LRRC7: variants seen among roughly 807,000 people sequenced by gnomAD.
The protein encoded by LRRC7 is leucine-rich repeat-containing protein 7.
In LRRC7, 23 loss-of-function variants were observed where a neutral mutation model predicts 175.7. The ratio of observed to expected loss-of-function variants is 0.13; its 90% confidence interval spans 0.09 to 0.19. The LOEUF is 0.19. Among genes scored for constraint, LRRC7 ranks in the 10% least tolerant of loss-of-function variants. LRRC7 has a pLI of 1.00. For missense variants in LRRC7, 1,354 were observed against 1,904.7 expected (o/e 0.71, Z 5.38); for synonymous variants, 685 against 680.9 (o/e 1.01, Z -0.09).
chr1:69,909,782 G>T (rs1407367186), intron 7 of LRRC7, among the ~76,000 whole-genome samples: 1 of 151,880 alleles, frequency 6.6e-6, no homozygotes, highest in African/African-American at 2.4e-5. Flanking sequence ...TATCTTTGTG[G>T]TGTTCTCTGT....
chr1:70,026,720 A>G (rs2101990544), intron 17 of LRRC7, among the ~76,000 whole-genome samples: 1 of 152,262 alleles, frequency 6.6e-6, no homozygotes, highest in Admixed American at 6.6e-5. Flanking sequence ...AACAGCACTT[A>G]CATTAACAAA....
At chr1:69,996,089 T>C (rs1486221202) in intron 11 of LRRC7, among the ~76,000 whole-genome samples, 4 of 151,242 alleles carry the variant, frequency 2.6e-5, no homozygotes, top group Non-Finnish European at 4.4e-5. Flanking sequence ...TTTGAATGAT[T>C]GCCATTCTAA....
intron 2 of LRRC7, among the ~76,000 whole-genome samples, chr1:69,749,482 C>T (rs1669596975): frequency 6.6e-6 from 1 of 152,072 alleles, no homozygotes; most frequent in Non-Finnish European, 1.5e-5. Flanking sequence ...TTTTGTTTAA[C>T]AATGCACACT....
At chr1:69,896,151 T>C (rs1451965420) in intron 7 of LRRC7, among the ~76,000 whole-genome samples, 2 of 152,114 alleles carry the variant, frequency 1.3e-5, no homozygotes, top group African/African-American at 4.8e-5. Flanking sequence ...TGCTTCTTTT[T>C]TTTAATTGTA....
intron 1 of LRRC7, among the ~76,000 whole-genome samples, chr1:69,646,843 A>G (rs1212382314): frequency 6.6e-6 from 1 of 152,136 alleles, no homozygotes; most frequent in Non-Finnish European, 1.5e-5. Flanking sequence ...TAAATCTGAA[A>G]TAGGGTTTAA....
rs1258493659 is a variant in LRRC7 at position 70,142,922 on chromosome 1, A to AATT, written c.*21039_*21041dup. 6.6e-6 allele frequency: 1 copy of AATT among 152,018 alleles called. No homozygotes were observed. Among genetic ancestry groups the AATT allele is most frequent in the Non-Finnish European group, 1.5e-5 (1 of 67,974 alleles). The allele number at this position is 152,018 out of a possible 1,614,324, so 9.4% of individuals were successfully genotyped here. A position where few individuals can be genotyped will look rare whatever the true frequency, so the allele number is the denominator to read the frequency against. ...TGGATGTTTTCTAAGTATCTATGAA[A>AATT]ATTATTTTTTCCTAAACGATTTCAT... On this transcript the variant is annotated 3_prime_UTR_variant, in exon 27 of 27. Coordinates refer to ENST00000651989, the MANE Select transcript of LRRC7 (RefSeq NM_001370785.2).
At chr1:69,929,025 C>G (rs1250872674) in intron 7 of LRRC7, among the ~76,000 whole-genome samples, 8 of 152,220 alleles carry the variant, frequency 5.3e-5, no homozygotes, top group Non-Finnish European at 8.8e-5. Context: ...TCCTATGTCC[C>G]TAGTCACTTT....
At chr1:69,744,518 T>C (rs1669055113) in intron 2 of LRRC7, among the ~76,000 whole-genome samples, 1 of 151,820 alleles carries the variant, frequency 6.6e-6, no homozygotes, top group Non-Finnish European at 1.5e-5. Flanking sequence ...CTAGAAAATG[T>C]GAAATAAAAA....
In LRRC7 at chr1:70,131,852, T is replaced by G. The variant is rs931479834; in HGVS notation, c.*9965T>G. 8.5e-5 allele frequency among the ~76,000 whole-genome samples: 13 copies of G among 152,188 alleles called. No individual in the cohort carries two copies. Among genetic ancestry groups the G allele is most frequent in the Non-Finnish European group, 1.8e-4 (12 of 68,050 alleles). On this transcript the variant is annotated 3_prime_UTR_variant, in exon 27 of 27. Transcript: ENST00000651989. ...AAAAATGAACTGGAAAAGTGAAATA[T>G]TAATTGAGAGAGTGACATTATCTTA...
chr1:69,599,410 A>T (rs971702606), intron 1 of LRRC7, among the ~76,000 whole-genome samples: 1 of 152,216 alleles, frequency 6.6e-6, no homozygotes, highest in Non-Finnish European at 1.5e-5. Flanking sequence ...TATGTAATTT[A>T]TAACAGGGGA....
rs1390011317 is a variant in LRRC7, at chr1:70,089,866, T to C, written c.4545+47T>C. 4.6e-6 allele frequency: 6 copies of C among 1,301,968 alleles called. No homozygotes were observed. The South Asian group carries it at 7.6e-5, about 17-fold the overall frequency. 80.7% of individuals were successfully genotyped at this position (1,301,968 alleles called of 1,614,324 possible). A position where few individuals can be genotyped will look rare whatever the true frequency, so the allele number is the denominator to read the frequency against. On this transcript the variant is annotated intron_variant, in intron 25 of 26. Transcript: ENST00000651989. ...GACAATATTAATTAGAAAAATACTA[T>C]CTCCTACAGTAACAAAGGTTAGAAA...
Position 69,628,111 on chromosome 1 carries a change from G to A in LRRC7, c.3-50270G>A, listed in dbSNP as rs1479476909. Among the ~76,000 whole-genome samples, 6 of 152,168 alleles carry A rather than the reference G, an allele frequency of 3.9e-5. No homozygotes were observed. The East Asian group carries it at 9.7e-4, about 25-fold the overall frequency. On this transcript the variant is annotated intron_variant, in intron 1 of 26. Transcript: ENST00000651989. ...ATATCTCTCTCACTACTCGTTCTCA[G>A]CATTGTACTGCAAGTCCTAGCTAAT... is the stretch of plus-strand genomic sequence containing the variant.
intron 11 of LRRC7, among the ~76,000 whole-genome samples, chr1:69,998,035 C>A (rs1315156636): frequency 6.6e-6 from 1 of 152,090 alleles, no homozygotes; most frequent in East Asian, 1.9e-4. Flanking sequence ...TGGTCCTGGA[C>A]TCTTTTTGGT....
chr1:69,768,451 C>T (rs1272947185), intron 3 of LRRC7, among the ~76,000 whole-genome samples: 4 of 152,288 alleles, frequency 2.6e-5, no homozygotes, highest in African/African-American at 9.6e-5. Context: ...CCACTATCAC[C>T]ACCACTTATT....
chr1:69,618,487 A>G (rs78547130), intron 1 of LRRC7, among the ~76,000 whole-genome samples: 7 of 152,210 alleles, frequency 4.6e-5, no homozygotes, highest in African/African-American at 1.7e-4. Flanking sequence ...ATAGTTGGAG[A>G]GGCTATATCC....
rs140869055 is a variant in LRRC7, at chr1:69,582,209, G to C, written c.2+13568G>C. Among the ~76,000 whole-genome samples the C allele has an allele frequency of 1.4e-3, 216 of 152,302 alleles. 1 individual carries two copies. The highest frequency in any genetic ancestry group is 4.8e-3 in the African/African-American group (201 of 41,572). On this transcript the variant is annotated intron_variant, in intron 1 of 26. Coordinates refer to ENST00000651989, the MANE Select transcript of LRRC7 (RefSeq NM_001370785.2). ...GGAATGTATTTAGCTGAAAATAAAA[G>C]AAGTATTAATGATTAGTAGCTTAAC...
At chr1:69,814,861 T>C (rs1474024547) in intron 4 of LRRC7, among the ~76,000 whole-genome samples, 1 of 152,144 alleles carries the variant, frequency 6.6e-6, no homozygotes, top group Non-Finnish European at 1.5e-5. Flanking sequence ...ATCGACTCAA[T>C]AGCTGAAACA....
At chr1:69,945,163 C>A (rs778626954) in intron 8 of LRRC7, among the ~76,000 whole-genome samples, 2 of 152,048 alleles carry the variant, frequency 1.3e-5, no homozygotes, top group Non-Finnish European at 2.9e-5. Context: ...AGTCTTCAAC[C>A]CATTTTGAGT....
At chr1:69,786,852 A>G (rs1557728268) in intron 3 of LRRC7, among the ~76,000 whole-genome samples, 1 of 152,134 alleles carries the variant, frequency 6.6e-6, no homozygotes, top group Non-Finnish European at 1.5e-5. Context: ...ACTCTCCCAG[A>G]TCTTACGTAC....
Sources: gnomAD v4.1 joint callset for allele counts (sites outside exome capture counted in the v4.1 genomes callset) on GRCh38, gnomAD v4.1.1 for gene constraint, MANE v1.5 for transcripts, NCBI Gene and HGNC (gene_info 2026-07-23, HGNC 2026-07-21) for gene names.